Variants in PDE4B observed in about 807,000 individuals in gnomAD.
PDE4B encodes the protein phosphodiesterase 4B, also known as 3',5'-cyclic-AMP phosphodiesterase 4B.
Under a neutral mutation model 82.2 loss-of-function variants are expected in PDE4B, and 20 were observed. The ratio of observed to expected loss-of-function variants is 0.24; its 90% CI spans 0.17 to 0.35. PDE4B has a LOEUF of 0.35. Ranked by LOEUF, PDE4B falls within the 10% of genes least tolerant of loss-of-function variation. The probability of loss-of-function intolerance (pLI) is 1.00; values close to 1 mark genes in which losing one functional copy is unlikely to be tolerated. For missense variants in PDE4B, 655 were observed against 907.2 expected (o/e 0.72, Z 3.57); for synonymous variants, 320 against 318.9 (o/e 1.00, Z -0.04).
chr1:66,310,394 T>G (rs1658584316), intron 7 of PDE4B, among the ~76,000 whole-genome samples: 1 of 152,178 alleles, frequency 6.6e-6, no homozygotes, highest in South Asian at 2.1e-4. Context: ...TCACCTCCAC[T>G]CTCTCAATGC....
At chr1:66,120,832 G>A (rs574828161) in intron 3 of PDE4B, among the ~76,000 whole-genome samples, 11 of 152,172 alleles carry the variant, frequency 7.2e-5, no homozygotes, top group Admixed American at 6.5e-4. Flanking sequence ...TTGAGTTTGG[G>A]ACCTCTGTGG....
intron 7 of PDE4B, among the ~76,000 whole-genome samples, chr1:66,323,590 A>G (rs1285951533): frequency 6.6e-6 from 1 of 152,186 alleles, no homozygotes; most frequent in East Asian, 1.9e-4. Context: ...ATCATATTCA[A>G]TAAATAATAG....
intron 1 of PDE4B, among the ~76,000 whole-genome samples, chr1:65,804,812 A>G (rs981373539): frequency 1.3e-5 from 2 of 152,110 alleles, no homozygotes; most frequent in Non-Finnish European, 2.9e-5. Context: ...CAGGTGAGTC[A>G]TGTCGTGGCT....
chr1:66,127,736 T>G (rs1645852690), intron 3 of PDE4B, among the ~76,000 whole-genome samples: 1 of 152,184 alleles, frequency 6.6e-6, no homozygotes, highest in Non-Finnish European at 1.5e-5. Context: ...GAAAACAATT[T>G]TCTTTTAATT....
intron 3 of PDE4B, among the ~76,000 whole-genome samples, chr1:65,960,698 G>A (rs1004516244): frequency 2.0e-5 from 3 of 151,976 alleles, no homozygotes; most frequent in African/African-American, 4.8e-5. Context: ...GCTATCCTAC[G>A]TTGTGTCAAG....
At chr1:65,830,058 G>T (rs530855622) in intron 1 of PDE4B, among the ~76,000 whole-genome samples, 15 of 152,252 alleles carry the variant, frequency 9.9e-5, no homozygotes, top group African/African-American at 3.6e-4. Context: ...TACAAGATGT[G>T]CTTGAAATAT....
At chr1:66,111,465 G>A (rs1645483374) in intron 3 of PDE4B, among the ~76,000 whole-genome samples, 2 of 151,852 alleles carry the variant, frequency 1.3e-5, no homozygotes, top group African/African-American at 2.4e-5. Context: ...TCTACGTTTT[G>A]TCTCTACACA....
At chr1:66,256,582 A>T (rs547573468) in intron 4 of PDE4B, among the ~76,000 whole-genome samples, 5 of 152,226 alleles carry the variant, frequency 3.3e-5, no homozygotes, top group Non-Finnish European at 4.4e-5. Flanking sequence ...AAAGTATCAT[A>T]TTAAATAAGA....
rs58204108 is a variant in PDE4B, at chr1:65,877,616, AAAATAAATAAAT to A, written c.-70-35599_-70-35588del. On this transcript the variant is annotated intron_variant, in intron 1 of 16. Coordinates refer to ENST00000341517, the MANE Select transcript of PDE4B (RefSeq NM_002600.4). ...GGCGATAGAGCAAGACTCTGTCTAA[AAAATAAATAAAT>A]AAATAAATAAATAAATAAATAAATA... 2.9e-4 allele frequency among the ~76,000 whole-genome samples: 43 copies of A among 147,824 alleles called. No homozygotes were observed. The East Asian group carries it at 4.7e-3, about 16-fold the overall frequency.
At chr1:66,101,025 C>T (rs536360878) in intron 3 of PDE4B, among the ~76,000 whole-genome samples, 1 of 152,206 alleles carries the variant, frequency 6.6e-6, no homozygotes, top group Non-Finnish European at 1.5e-5. Context: ...TGTTCCCCTT[C>T]CAGTGTCCAA....
Position 66,239,198 on chromosome 1 carries a change from G to A in PDE4B, c.282-8262G>A, listed in dbSNP as rs571613395. Among the ~76,000 whole-genome samples, 51 of 152,048 alleles carry A rather than the reference G, an allele frequency of 3.4e-4. 1 individual carries two copies. The highest frequency in any genetic ancestry group is 5.3e-4 in the Non-Finnish European group (36 of 68,004). On this transcript the variant is annotated intron_variant, in intron 3 of 16. Transcript: ENST00000341517. ...ATATTTTACTAATAGAGCATTTAAC[G>A]ATCTCTTATGATAACTTTAAAAAAT...
intron 3 of PDE4B, among the ~76,000 whole-genome samples, chr1:66,098,994 G>C (rs767623843): frequency 6.6e-6 from 1 of 151,970 alleles, no homozygotes; most frequent in Non-Finnish European, 1.5e-5. Flanking sequence ...TTCCTGGCTT[G>C]GTGAAAATCT....
intron 3 of PDE4B, among the ~76,000 whole-genome samples, chr1:65,934,269 C>A (rs1647998455): frequency 6.6e-6 from 1 of 152,050 alleles, no homozygotes; most frequent in Non-Finnish European, 1.5e-5. Context: ...GACAACATAG[C>A]AAGACCCTAT....
intron 3 of PDE4B, among the ~76,000 whole-genome samples, chr1:65,999,700 C>G (rs1651758150): frequency 6.6e-6 from 1 of 152,174 alleles, no homozygotes; most frequent in South Asian, 2.1e-4. Flanking sequence ...TCATCATCTG[C>G]CATCCCTGCT....
At chr1:66,319,585 C>A (rs952964419) in intron 7 of PDE4B, among the ~76,000 whole-genome samples, 3 of 152,184 alleles carry the variant, frequency 2.0e-5, no homozygotes, top group Non-Finnish European at 2.9e-5. Context: ...GAGCACTGAA[C>A]TTGGAGTCAG....
intron 3 of PDE4B, among the ~76,000 whole-genome samples, chr1:66,129,730 G>A (rs1645901708): frequency 6.8e-6 from 1 of 147,010 alleles, no homozygotes; most frequent in Admixed American, 6.7e-5. Flanking sequence ...AATGGGGAAA[G>A]ACATATCTAT....
chr1:66,313,390 C>T (rs553368738), intron 7 of PDE4B, among the ~76,000 whole-genome samples: 2 of 152,302 alleles, frequency 1.3e-5, no homozygotes, highest in Admixed American at 6.5e-5. Context: ...CTTCTTGTTG[C>T]CCCTGAACCT....
chr1:66,022,831 T>G (rs1653212851), intron 3 of PDE4B, among the ~76,000 whole-genome samples: 1 of 152,234 alleles, frequency 6.6e-6, no homozygotes, highest in African/African-American at 2.4e-5. Context: ...ATAAAATGAA[T>G]TAGGGAGGAT....
intron 10 of PDE4B, among the ~76,000 whole-genome samples, chr1:66,362,365 C>T (rs185376284): frequency 6.6e-6 from 1 of 152,222 alleles, no homozygotes; most frequent in East Asian, 1.9e-4. Flanking sequence ...AGAATTCATA[C>T]ATCCTTTAGG....
Sources: gnomAD v4.1 joint callset for allele counts (sites outside exome capture counted in the v4.1 genomes callset) on GRCh38, gnomAD v4.1.1 for gene constraint, MANE v1.5 for transcripts, NCBI Gene and HGNC (gene_info 2026-07-23, HGNC 2026-07-21) for gene names.